Variants in GNAO1 observed in about 807,000 individuals in gnomAD.
The protein encoded by GNAO1 is guanine nucleotide-binding protein G(o) subunit alpha.
For missense variants in GNAO1, 166 were observed against 478.7 expected, an observed-to-expected ratio of 0.35 and a Z score of 6.10; for synonymous variants, 164 against 180.7, an observed-to-expected ratio of 0.91 and a Z score of 0.74.
chr16:56,225,218 G>T (rs1481979730), intron 2 of GNAO1, among the ~76,000 whole-genome samples: 1 of 152,222 alleles, frequency 6.6e-6, no homozygotes, highest in Non-Finnish European at 1.5e-5. Flanking sequence ...GTTTGAGGAG[G>T]ATTGAGCAAA....
chr16:56,345,852 G>C lies in GNAO1; in HGVS notation c.724-5532G>C, dbSNP rs1030093098. On this transcript the variant is annotated intron_variant, in intron 6 of 8. Transcript: ENST00000262493. ...AACTGTAACCCCAGGCTCAGAAGCA[G>C]CCGGCAAAAGGGGGATGCTGGCCAC... The C allele has an allele frequency of 1.0e-5, 10 of 985,408 alleles. No homozygotes were observed. In the African/African-American group the frequency reaches 1.7e-4, roughly 17 times the overall value. The allele number at this position is 985,408 out of a possible 1,614,324, so 61.0% of individuals were successfully genotyped here.
intron 2 of GNAO1, among the ~76,000 whole-genome samples, chr16:56,215,426 G>A (rs1223628783): frequency 6.6e-6 from 1 of 152,174 alleles, no homozygotes; most frequent in Admixed American, 6.5e-5. Flanking sequence ...GAAGAGAAGC[G>A]GTTTCAGCAC....
In GNAO1 at chr16:56,356,808, G is replaced by C. The variant is rs1462352511; in HGVS notation, c.*734G>C. The C allele has an allele frequency of 9.3e-6, 1 of 107,638 alleles. No individual in the cohort carries two copies. The highest frequency in any genetic ancestry group is 1.9e-5 in the Non-Finnish European group (1 of 52,324). 6.7% of individuals were successfully genotyped at this position (107,638 alleles called of 1,614,324 possible). A position where few individuals can be genotyped will look rare whatever the true frequency, so the allele number is the denominator to read the frequency against. ...TTTTTCAGTTTTTGTTTTTACTTTT[G>C]TCCCGCCGAGTACTATGTATTACCA... is the stretch of plus-strand genomic sequence containing the variant. On this transcript the variant is annotated 3_prime_UTR_variant, in exon 9 of 9. Coordinates refer to ENST00000262493, the MANE Select transcript of GNAO1 (RefSeq NM_020988.3).
At chr16:56,209,406 C>T (rs2036363938) in intron 2 of GNAO1, among the ~76,000 whole-genome samples, 1 of 152,172 alleles carries the variant, frequency 6.6e-6, no homozygotes, top group Admixed American at 6.5e-5. Context: ...AATCCCACTC[C>T]CCTTGGTCTT....
At chr16:56,331,876 G>A (rs2037691885) in intron 4 of GNAO1, among the ~76,000 whole-genome samples, 3 of 152,280 alleles carry the variant, frequency 2.0e-5, no homozygotes, top group East Asian at 3.9e-4. Flanking sequence ...TGAGCCCGTG[G>A]AACCCCTGGC....
intron 3 of GNAO1, among the ~76,000 whole-genome samples, chr16:56,294,122 C>T (rs1256277391): frequency 6.6e-6 from 1 of 152,146 alleles, no homozygotes; most frequent in African/African-American, 2.4e-5. Context: ...CCCCAGTGTG[C>T]CTGACTCCTA....
At chr16:56,277,037 T>C (rs1284908300) in intron 3 of GNAO1, 1 of 152,284 alleles carries the variant, frequency 6.6e-6, no homozygotes, top group African/African-American at 2.4e-5. Context: ...CCTGGTTGTC[T>C]CTGTGTCTGA....
chr16:56,212,329 T>A (rs2036396781), intron 2 of GNAO1, among the ~76,000 whole-genome samples: 1 of 152,210 alleles, frequency 6.6e-6, no homozygotes. Flanking sequence ...TAAAAATTGG[T>A]GCTCCTAAGG....
At chr16:56,253,642 A>T (rs2036819563) in intron 2 of GNAO1, among the ~76,000 whole-genome samples, 2 of 152,232 alleles carry the variant, frequency 1.3e-5, no homozygotes, top group Admixed American at 1.3e-4. Flanking sequence ...TTCAGCCTCC[A>T]TGCTGAGCCC....
chr16:56,263,165 G>A (rs1335050901), intron 2 of GNAO1, among the ~76,000 whole-genome samples: 2 of 152,218 alleles, frequency 1.3e-5, no homozygotes, highest in East Asian at 1.9e-4. Flanking sequence ...AGTCCGCAAG[G>A]TGGAGATGGG....
intron 3 of GNAO1, among the ~76,000 whole-genome samples, chr16:56,280,556 G>A (rs2037104086): frequency 6.6e-6 from 1 of 152,100 alleles, no homozygotes; most frequent in Admixed American, 6.5e-5. Context: ...AAATTATGAT[G>A]ATGGCATGTG....
At chr16:56,292,323 G>A (rs756774252) in intron 3 of GNAO1, among the ~76,000 whole-genome samples, 4 of 152,118 alleles carry the variant, frequency 2.6e-5, no homozygotes, top group African/African-American at 4.8e-5. Flanking sequence ...AAAGATACTG[G>A]TATTTTTCTA....
At chr16:56,335,025 G>T (rs1298279457) in intron 5 of GNAO1, among the ~76,000 whole-genome samples, 168 bp downstream of exon 5, 1 of 152,268 alleles carries the variant, frequency 6.6e-6, no homozygotes, top group African/African-American at 2.4e-5. Flanking sequence ...TTCTGCCAAG[G>T]TTAGGGGCTG....
rs540514958 is a variant in GNAO1 at position 56,357,271 on chromosome 16, TAAAA to T, written c.*1205_*1208del. ...CAAAAAGACAAAACACACAAAAAAT[TAAAA>T]AAAAAAACTTAAAAAAAAAAGGAAA... On this transcript the variant is annotated 3_prime_UTR_variant, in exon 9 of 9. Transcript: ENST00000262493. 7.1e-5 allele frequency: 9 copies of T among 127,210 alleles called. No individual in the cohort carries two copies. Among genetic ancestry groups the T allele is most frequent in the African/African-American group, 2.6e-4 (9 of 34,528 alleles). The allele number at this position is 127,210 out of a possible 1,614,324, so 7.9% of individuals were successfully genotyped here.
chr16:56,348,410 C>T (rs762311776), intron 6 of GNAO1, among the ~76,000 whole-genome samples: 8 of 152,194 alleles, frequency 5.3e-5, no homozygotes, highest in African/African-American at 1.2e-4. Flanking sequence ...CTCCGTTCTG[C>T]GCCGAGCCAC....
intron 5 of GNAO1, 106 bp downstream of exon 5, chr16:56,334,963 G>T: frequency 8.0e-7 from 1 of 1,250,316 alleles, no homozygotes; most frequent in South Asian, 1.4e-5. Flanking sequence ...CTGCCCCAGG[G>T]AACCTGCGGG....
intron 2 of GNAO1, among the ~76,000 whole-genome samples, chr16:56,267,931 T>C (rs1267249735): frequency 7.4e-5 from 11 of 148,536 alleles, no homozygotes; most frequent in African/African-American, 2.7e-4. Context: ...TATTGGGAGC[T>C]GGATCTTTTA....
At chr16:56,294,458 T>C (rs2037264857) in intron 3 of GNAO1, among the ~76,000 whole-genome samples, 1 of 152,092 alleles carries the variant, frequency 6.6e-6, no homozygotes, top group Non-Finnish European at 1.5e-5. Context: ...GTCACACTTC[T>C]TTATGACCAA....
rs201930720 is a variant in GNAO1, at chr16:56,351,395, C to T, written c.735C>T (p.His245=). The part of the protein sequence containing the change: ...LHEDETTNRM[H]ESLMLFDSIC... ...TCCTGCGGCCGCAGAACCGCATGCA[C>T]GAGTCTCTCATGCTCTTCGACTCCA... Residue 245 remains histidine (H), a synonymous_variant, in exon 7 of 9, where the codon CAC becomes CAT. Coordinates refer to ENST00000262493, the MANE Select transcript of GNAO1 (RefSeq NM_020988.3). The surrounding 1 kb of genome is among the most constrained non-coding windows in gnomAD (Gnocchi z 6.1). 1.4e-5 allele frequency: 23 copies of T among 1,611,040 alleles called. No homozygotes were observed. The highest frequency in any genetic ancestry group is 1.1e-4 in the East Asian group (5 of 44,880).
Sources: allele counts gnomAD v4.1 joint callset (sites outside exome capture counted in the v4.1 genomes callset), GRCh38; gene constraint gnomAD v4.1.1; non-coding constraint Gnocchi (gnomAD v3.1); transcripts MANE v1.5; gene names NCBI Gene and HGNC (gene_info 2026-07-23, HGNC 2026-07-21).